Variants in PGR observed in about 807,000 individuals in gnomAD.
PGR encodes the protein progesterone receptor.
PGR carries 25 observed loss-of-function variants against 76.1 expected under a neutral mutation model. That is an observed-to-expected ratio of 0.33 (90% CI 0.24 to 0.46). The LOEUF (loss-of-function observed/expected upper bound fraction) is 0.46, where lower values mean the gene tolerates loss of function less well. PGR is among the 20% of genes least tolerant of loss of function. The pLI is 1.00. For missense variants in PGR, 1,172 were observed against 1,225.3 expected, an observed-to-expected ratio of 0.96 and a Z score of 0.65; for synonymous variants, 579 against 535.0, an observed-to-expected ratio of 1.08 and a Z score of -1.14.
chr11:101,086,671 A>ATAAC (rs1457104777), intron 3 of PGR, among the ~76,000 whole-genome samples: 1 of 152,208 alleles, frequency 6.6e-6, no homozygotes, highest in Non-Finnish European at 1.5e-5. Context: ...ACATGATTTT[A>ATAAC]TAACTAGAAA....
At chr11:101,100,452 T>C (rs1466722654) in intron 2 of PGR, among the ~76,000 whole-genome samples, 4 of 152,156 alleles carry the variant, frequency 2.6e-5, no homozygotes, top group Non-Finnish European at 5.9e-5. Flanking sequence ...CACAGCAGCA[T>C]GAGAACAGAC....
intron 1 of PGR, 57 bp downstream of exon 1, chr11:101,127,377 C>G (rs1206544348): frequency 1.5e-6 from 2 of 1,345,798 alleles, no homozygotes; most frequent in Admixed American, 2.9e-5. Flanking sequence ...CGGCCGCCGC[C>G]GCCAACGGAA....
chr11:101,070,871 G>C (rs1371248638), intron 3 of PGR, among the ~76,000 whole-genome samples: 3 of 152,198 alleles, frequency 2.0e-5, no homozygotes, highest in African/African-American at 7.2e-5. Context: ...GAGAACCTGG[G>C]GGAAGGGGTG....
chr11:101,064,907 T>C (rs894670672), intron 3 of PGR, among the ~76,000 whole-genome samples: 2 of 152,210 alleles, frequency 1.3e-5, no homozygotes, highest in East Asian at 3.8e-4. Context: ...TACTTACCAT[T>C]GCATTACAGT....
At chr11:101,045,411 A>G (rs186813852) in intron 6 of PGR, among the ~76,000 whole-genome samples, 24 of 152,270 alleles carry the variant, frequency 1.6e-4, no homozygotes, top group African/African-American at 5.5e-4. Context: ...CCATCACCCA[A>G]TAATGCACAT....
intron 3 of PGR, among the ~76,000 whole-genome samples, chr11:101,085,525 T>TAAAAAAAAAAAAAAAAAAAAAAAACA (rs1861465168): frequency 2.4e-5 from 1 of 42,276 alleles, no homozygotes; most frequent in Non-Finnish European, 3.9e-5. Context: ...CTAGAGGAAC[T>TAAAAAAAAAAAAAAAAAAAAAAAACA]AAAAAAAAAA....
At chr11:101,067,137 T>G (rs11571204) in intron 3 of PGR, among the ~76,000 whole-genome samples, 16 of 152,284 alleles carry the variant, frequency 1.1e-4, no homozygotes, top group Admixed American at 9.8e-4. Context: ...AGTGTGTTTC[T>G]GCCTTGGGGT....
At chr11:101,074,321 G>A (rs933119525) in intron 3 of PGR, among the ~76,000 whole-genome samples, 12 of 152,010 alleles carry the variant, frequency 7.9e-5, no homozygotes, top group South Asian at 2.1e-4. Context: ...TTGATGGACC[G>A]TATCTCAAAA....
rs376757363 is a variant in PGR at position 101,061,959 on chromosome 11, T to C, written c.2212+488A>G. On this transcript the variant is annotated intron_variant, in intron 4 of 7. Transcript: ENST00000325455. ...TTCTTTTCTCTGTGTGCTATTATTTTTTAAAGTAATTTACGTTAGGGAATT... is the reference window on the plus strand; with the variant it reads ...TTCTTTTCTCTGTGTGCTATTATTTCTTAAAGTAATTTACGTTAGGGAATT... Among the ~76,000 whole-genome samples the C allele has an allele frequency of 5.3e-5, 8 of 152,374 alleles. No individual in the cohort carries two copies. In the East Asian group the frequency reaches 1.5e-3, roughly 29 times the overall value.
rs775608193 is a variant in PGR at position 101,128,212 on chromosome 11, C to A, written c.859G>T (p.Ala287Ser). 2 of 1,598,218 alleles carry A rather than the reference C, an allele frequency of 1.3e-6. No individual in the cohort carries two copies. Reference sequence around the variant, plus strand: ...GGGGAGCGCCCGGGCGCCATCGGCGCGTCCTGCTCCACCAGGGCGACCCTG... The same window carrying A: ...GGGGAGCGCCCGGGCGCCATCGGCGAGTCCTGCTCCACCAGGGCGACCCTG... The part of the protein sequence containing the change: ...APRVALVEQD[A>S]PMAPGRSPLA... The change falls in exon 1 of 8, where the codon GCG becomes TCG. Residue 287 changes from alanine (A) to serine (S), a missense_variant. Ala to Ser is a moderately conservative substitution (Grantham distance 99). Coordinates refer to ENST00000325455, the MANE Select transcript of PGR (RefSeq NM_000926.4).
chr11:101,097,627 T>C (rs1474437960), intron 2 of PGR, among the ~76,000 whole-genome samples: 1 of 152,174 alleles, frequency 6.6e-6, no homozygotes, highest in Non-Finnish European at 1.5e-5. Context: ...CTTATTGTCA[T>C]ATATAGTAAA....
At chr11:101,120,869 C>A (rs1862651019) in intron 2 of PGR, among the ~76,000 whole-genome samples, 1 of 152,196 alleles carries the variant, frequency 6.6e-6, no homozygotes, top group Non-Finnish European at 1.5e-5. Flanking sequence ...GTTATTAGCA[C>A]TAGCACGCAT....
At chr11:101,084,849 C>T (rs757151140) in intron 3 of PGR, among the ~76,000 whole-genome samples, 1 of 152,078 alleles carries the variant, frequency 6.6e-6, no homozygotes, top group African/African-American at 2.4e-5. Flanking sequence ...ATAAAACAGA[C>T]TTTAACAACA....
In PGR at chr11:101,128,586, G is replaced by A. The variant is rs950020817; in HGVS notation, c.485C>T (p.Ser162Phe). 8.8e-6 allele frequency: 14 copies of A among 1,594,754 alleles called. No individual in the cohort carries two copies. The highest frequency in any genetic ancestry group is 2.7e-5 in the African/African-American group (2 of 74,742). ...GCACCCGGACCGGCTCATGAGCGGGGACAACACCCGCTGGGTGGCGGGGGC... is the reference window on the plus strand; with the variant it reads ...GCACCCGGACCGGCTCATGAGCGGGAACAACACCCGCTGGGTGGCGGGGGC... ...PAAPATQRVL[S>F]PLMSRSGCKV... Residue 162 changes from serine to phenylalanine, a missense_variant, in exon 1 of 8, where the codon TCC becomes TTC. Ser to Phe is a radical substitution (Grantham distance 155). Coordinates refer to ENST00000325455, the MANE Select transcript of PGR (RefSeq NM_000926.4).
intron 3 of PGR, among the ~76,000 whole-genome samples, chr11:101,073,282 C>A (rs56687206): frequency 0.012 from 1,779 of 152,150 alleles, 30 homozygotes; most frequent in African/African-American, 0.041. Context: ...CCAATGAGAA[C>A]AAAGACACAA....
At position 101,129,334 on chromosome 11, in the gene PGR, A is replaced by G. The variant is rs901932408; in HGVS notation, c.-264T>C. ...GCAAGTGGGGAGCGCAAGAAAAAGT[A>G]GTAATTGTTAGGAGATCTCGTCTCC... On this transcript the variant is annotated 5_prime_UTR_variant, in exon 1 of 8. Transcript: ENST00000325455. The G allele has an allele frequency of 1.2e-4, 54 of 468,484 alleles. No individual in the cohort carries two copies. The highest frequency in any genetic ancestry group is 1.8e-4 in the Non-Finnish European group (48 of 265,700). 29.0% of individuals were successfully genotyped at this position (468,484 alleles called of 1,614,324 possible). A position where few individuals can be genotyped will look rare whatever the true frequency, so the allele number is the denominator to read the frequency against.
chr11:101,054,185 ATTTT>A (rs909665319), intron 4 of PGR, among the ~76,000 whole-genome samples: 1 of 150,886 alleles, frequency 6.6e-6, no homozygotes. Flanking sequence ...TCAGTAAATT[ATTTT>A]TTTTCTTTTT....
At chr11:101,116,093 T>G (rs922664411) in intron 2 of PGR, among the ~76,000 whole-genome samples, 1 of 152,232 alleles carries the variant, frequency 6.6e-6, no homozygotes, top group African/African-American at 2.4e-5. Flanking sequence ...CACGTCAGGT[T>G]AGGTATTGTT....
chr11:101,051,257 T>C (rs1312894926), intron 5 of PGR, among the ~76,000 whole-genome samples, 167 bp downstream of exon 5: 4 of 152,162 alleles, frequency 2.6e-5, no homozygotes, highest in Admixed American at 1.3e-4. Flanking sequence ...GATATAACTA[T>C]ATTTTGAAAC....
Sources: allele counts gnomAD v4.1 joint callset (sites outside exome capture counted in the v4.1 genomes callset), GRCh38; gene constraint gnomAD v4.1.1; transcripts MANE v1.5; gene names NCBI Gene and HGNC (gene_info 2026-07-23, HGNC 2026-07-21).